GPR158: variants seen among roughly 807,000 people sequenced by gnomAD.
GPR158 encodes the protein G protein-coupled receptor 158, also known as metabotropic glycine receptor.
A neutral mutation model predicts 78.2 loss-of-function variants in GPR158; 30 were observed. The observed-to-expected ratio is 0.38, with a 90% confidence interval of 0.29 to 0.52. GPR158 has a LOEUF of 0.52. Among genes scored for constraint, GPR158 ranks in the 20% least tolerant of loss-of-function variants. GPR158 has a pLI of 0.83. For missense variants in GPR158, 1,463 were observed against 1,523.5 expected, an observed-to-expected ratio of 0.96 and a Z score of 0.66; for synonymous variants, 581 against 591.1, an observed-to-expected ratio of 0.98 and a Z score of 0.25.
chr10:25,244,767 T>A (rs1313259190), intron 2 of GPR158: 1 of 152,030 alleles, frequency 6.6e-6, no homozygotes, highest in African/African-American at 2.4e-5. Context: ...ACAACAATGA[T>A]CAATGAAGAA....
intron 1 of GPR158, among the ~76,000 whole-genome samples, chr10:25,216,929 C>T (rs544893813): frequency 6.6e-6 from 1 of 152,032 alleles, no homozygotes; most frequent in African/African-American, 2.4e-5. Context: ...AGTAGGAGGG[C>T]CCTGATTATG....
intron 5 of GPR158, among the ~76,000 whole-genome samples, chr10:25,532,345 T>G (rs1836435756): frequency 6.6e-6 from 1 of 152,212 alleles, no homozygotes; most frequent in African/African-American, 2.4e-5. Context: ...GCATTTTTTA[T>G]GTGTATTCTG....
At chr10:25,219,710 T>A (rs1853271973) in intron 1 of GPR158, among the ~76,000 whole-genome samples, 1 of 152,142 alleles carries the variant, frequency 6.6e-6, no homozygotes, top group Non-Finnish European at 1.5e-5. Context: ...AATAAATGAT[T>A]TATTCACCCC....
At chr10:25,221,401 T>C (rs1853298385) in intron 2 of GPR158, among the ~76,000 whole-genome samples, 1 of 152,214 alleles carries the variant, frequency 6.6e-6, no homozygotes, top group African/African-American at 2.4e-5. Flanking sequence ...AGTCAAAGCC[T>C]GGCCCTATTC....
intron 2 of GPR158, among the ~76,000 whole-genome samples, chr10:25,233,152 TG>T (rs745607493): frequency 6.6e-6 from 1 of 152,202 alleles, no homozygotes; most frequent in Non-Finnish European, 1.5e-5. Context: ...TTTTGGTCCA[TG>T]CGCTGTCTCC....
intron 4 of GPR158, among the ~76,000 whole-genome samples, chr10:25,418,334 A>G (rs1219329105): frequency 6.6e-6 from 1 of 152,300 alleles, no homozygotes; most frequent in East Asian, 1.9e-4. Flanking sequence ...ATCATTTTAA[A>G]TGACACAAAT....
chr10:25,476,675 G>T (rs538814115), intron 5 of GPR158, among the ~76,000 whole-genome samples: 2 of 152,034 alleles, frequency 1.3e-5, no homozygotes, highest in African/African-American at 2.4e-5. Flanking sequence ...AGAAAGCCAA[G>T]AATTAAATCC....
At chr10:25,294,537 C>T (rs547358096) in intron 2 of GPR158, among the ~76,000 whole-genome samples, 3 of 152,156 alleles carry the variant, frequency 2.0e-5, no homozygotes, top group East Asian at 1.9e-4. Flanking sequence ...AAAAGGCTAC[C>T]TGACTATCAC....
At chr10:25,373,405 T>C (rs1223128661) in intron 2 of GPR158, among the ~76,000 whole-genome samples, 1 of 151,896 alleles carries the variant, frequency 6.6e-6, no homozygotes. Context: ...ATAATAATAA[T>C]GTTTTAAGTA....
chr10:25,240,830 T>C (rs1287413206), intron 2 of GPR158, among the ~76,000 whole-genome samples: 3 of 152,220 alleles, frequency 2.0e-5, no homozygotes, highest in Non-Finnish European at 4.4e-5. Context: ...AAGAAATTCC[T>C]TAAAATTCTT....
intron 1 of GPR158, among the ~76,000 whole-genome samples, chr10:25,191,142 G>A (rs2130642329): frequency 6.6e-6 from 1 of 152,298 alleles, no homozygotes; most frequent in Non-Finnish European, 1.5e-5. Context: ...ATGATATTGA[G>A]GCATTCGTTA....
In GPR158 at chr10:25,196,024, A is replaced by G. The variant is rs1852839334; in HGVS notation, c.902+19702A>G. On this transcript the variant is annotated intron_variant, in intron 1 of 10. Transcript: ENST00000376351. ...TTCCTTGGGGTTCTGAATATTCATG[A>G]TGATGTGCTTAGATGTGATTCATTT... 2.6e-5 allele frequency among the ~76,000 whole-genome samples: 4 copies of G among 151,928 alleles called. No individual in the cohort carries two copies. In the South Asian group the frequency reaches 8.3e-4, roughly 31 times the overall value.
intron 2 of GPR158, among the ~76,000 whole-genome samples, chr10:25,281,936 A>G (rs1004040403): frequency 2.6e-5 from 4 of 152,198 alleles, no homozygotes; most frequent in Admixed American, 6.5e-5. Context: ...AATAGAAAGA[A>G]TGATTTGAAT....
intron 3 of GPR158, among the ~76,000 whole-genome samples, chr10:25,407,296 C>T (rs967948840): frequency 3.3e-5 from 5 of 152,110 alleles, no homozygotes; most frequent in African/African-American, 1.2e-4. Context: ...AATGCATTGC[C>T]TCTTGTAAAA....
At chr10:25,395,021 T>A (rs1834348453) in intron 2 of GPR158, among the ~76,000 whole-genome samples, 1 of 152,172 alleles carries the variant, frequency 6.6e-6, no homozygotes, top group South Asian at 2.1e-4. Context: ...TGAAAGAAAT[T>A]TCAGTGTTGG....
intron 5 of GPR158, among the ~76,000 whole-genome samples, chr10:25,511,178 C>G (rs1165462243): frequency 6.6e-6 from 1 of 152,108 alleles, no homozygotes; most frequent in Non-Finnish European, 1.5e-5. Context: ...TAGAAGTGTT[C>G]CCTTTTTGCC....
At chr10:25,198,667 T>G (rs1286349953) in intron 1 of GPR158, among the ~76,000 whole-genome samples, 1 of 152,196 alleles carries the variant, frequency 6.6e-6, no homozygotes, top group Non-Finnish European at 1.5e-5. Context: ...CTTGTATAAC[T>G]AATGCTAATT....
At chr10:25,570,402 ATAGT>A (rs769118716) in intron 6 of GPR158, among the ~76,000 whole-genome samples, 114 of 152,284 alleles carry the variant, frequency 7.5e-4, no homozygotes, top group Non-Finnish European at 1.3e-3. Flanking sequence ...TATGGGTTTG[ATAGT>A]TAGAGTTCAT....
At chr10:25,185,372 A>C (rs889530457) in intron 1 of GPR158, among the ~76,000 whole-genome samples, 3 of 152,364 alleles carry the variant, frequency 2.0e-5, no homozygotes, top group Admixed American at 2.0e-4. Context: ...ACATTTTGAT[A>C]GATCAATGAA....
Sources: allele counts gnomAD v4.1 joint callset (sites outside exome capture counted in the v4.1 genomes callset), GRCh38; gene constraint gnomAD v4.1.1; transcripts MANE v1.5; gene names NCBI Gene and HGNC (gene_info 2026-07-23, HGNC 2026-07-21).